MID1: variants seen among roughly 807,000 people sequenced by gnomAD.
MID1 encodes the protein midline 1, also known as E3 ubiquitin-protein ligase Midline-1.
A neutral mutation model predicts 40.4 loss-of-function variants in MID1; 7 were observed. That is an observed-to-expected ratio of 0.17 (90% CI 0.10 to 0.33). The LOEUF (loss-of-function observed/expected upper bound fraction) is 0.33. MID1 is among the 10% of genes least tolerant of loss of function. MID1 has a pLI of 1.00. For missense variants in MID1, 367 were observed against 558.5 expected, an observed-to-expected ratio of 0.66 and a Z score of 3.46; for synonymous variants, 229 against 221.2, an observed-to-expected ratio of 1.04 and a Z score of -0.31.
intron 1 of MID1, among the ~76,000 whole-genome samples, chrX:10,706,354 A>T (rs890383055): frequency 8.1e-5 from 9 of 110,696 alleles, no homozygotes; most frequent in African/African-American, 3.0e-4. Context: ...ATCATAGTTG[A>T]TATGGTTTGG....
intron 3 of MID1, chrX:10,501,448 T>C (rs1359821419): frequency 2.6e-6 from 3 of 1,155,584 alleles, no homozygotes; most frequent in Non-Finnish European, 3.4e-6. Context: ...CGTCTTGAAA[T>C]GCATCTTCTC....
At chrX:10,774,669 G>A (rs2043790811) in intron 1 of MID1, among the ~76,000 whole-genome samples, 1 of 110,812 alleles carries the variant, frequency 9.0e-6, no homozygotes, top group Admixed American at 9.7e-5. Flanking sequence ...TTTGCTGTGA[G>A]AAAATAAAAA....
At chrX:10,746,672 T>A (rs750908475) in intron 1 of MID1, among the ~76,000 whole-genome samples, 1 of 111,013 alleles carries the variant, frequency 9.0e-6, no homozygotes, top group Non-Finnish European at 1.9e-5. Flanking sequence ...AGAATTATCT[T>A]CTGTCCATCT....
chrX:10,829,190 G>C (rs749312957), intron 1 of MID1, among the ~76,000 whole-genome samples: 19 of 112,157 alleles, frequency 1.7e-4, no homozygotes, highest in African/African-American at 6.2e-4. Flanking sequence ...AGATACTCAG[G>C]GGGAGAAATA....
intron 3 of MID1, among the ~76,000 whole-genome samples, chrX:10,509,767 C>A (rs998040171): frequency 8.9e-6 from 1 of 112,269 alleles, no homozygotes; most frequent in Non-Finnish European, 1.9e-5. Context: ...ATCGGACATG[C>A]TGATCTATGC....
At chrX:10,808,366 G>A (rs906335952) in intron 1 of MID1, among the ~76,000 whole-genome samples, 15 of 111,113 alleles carry the variant, frequency 1.3e-4, no homozygotes, top group East Asian at 2.9e-4. Context: ...GTGATGAGCC[G>A]ATGATGCATT....
At chrX:10,757,096 G>A (rs1052719641) in intron 1 of MID1, among the ~76,000 whole-genome samples, 2 of 111,671 alleles carry the variant, frequency 1.8e-5, no homozygotes, top group Non-Finnish European at 3.8e-5. Context: ...CTCAGCTGGA[G>A]GGCTTGCCAA....
Position 10,611,514 on chromosome X carries a change from T to G in MID1, c.-57+8776A>C, listed in dbSNP as rs188016941. 9.3e-4 allele frequency among the ~76,000 whole-genome samples: 104 copies of G among 111,710 alleles called. 1 individual carries two copies. Among genetic ancestry groups the G allele is most frequent in the African/African-American group, 2.9e-3 (89 of 30,794 alleles). On this transcript the variant is annotated intron_variant, in intron 1 of 9. Coordinates refer to ENST00000317552, the MANE Select transcript of MID1 (RefSeq NM_000381.4). ...CCATCAGCCTCACAGTTTTACTTTT[T>G]GTTATTCAACTATGGCAGTTCTAGG...
At chrX:10,698,271 G>T (rs1259845059) in intron 1 of MID1, among the ~76,000 whole-genome samples, 1 of 110,861 alleles carries the variant, frequency 9.0e-6, no homozygotes, top group African/African-American at 3.3e-5. Context: ...AGAAAAAACA[G>T]AGAAATGAAA....
chrX:10,700,353 A>T (rs1269539209), intron 1 of MID1, among the ~76,000 whole-genome samples: 4 of 110,661 alleles, frequency 3.6e-5, no homozygotes, highest in African/African-American at 9.9e-5. Context: ...GGAGTTCAAG[A>T]CCAGCTTAGG....
At chrX:10,745,967 C>T (rs775402983) in intron 1 of MID1, among the ~76,000 whole-genome samples, 4 of 111,839 alleles carry the variant, frequency 3.6e-5, no homozygotes, top group African/African-American at 6.5e-5. Context: ...GTCTGTTCAC[C>T]GAAACAGACC....
At chrX:10,617,452 C>G (rs1421383483) in intron 1 of MID1, among the ~76,000 whole-genome samples, 1 of 112,465 alleles carries the variant, frequency 8.9e-6, no homozygotes, top group African/African-American at 3.2e-5. Context: ...CTTGAAACAG[C>G]AGCATCCTGG....
intron 1 of MID1, among the ~76,000 whole-genome samples, chrX:10,647,382 T>C (rs183569978): frequency 1.8e-5 from 2 of 111,557 alleles, no homozygotes; most frequent in East Asian, 5.6e-4. Flanking sequence ...ATTTGATCTT[T>C]CCCCAATACT....
At chrX:10,460,155 G>A (rs1019657842) in intron 7 of MID1, 29 of 289,939 alleles carry the variant, frequency 1.0e-4, no homozygotes, top group East Asian at 2.4e-4. Flanking sequence ...GCAAGAGTAG[G>A]CATGACAAAA....
At chrX:10,597,274 G>A (rs1200529839) in intron 1 of MID1, among the ~76,000 whole-genome samples, 1 of 111,200 alleles carries the variant, frequency 9.0e-6, no homozygotes, top group Admixed American at 9.6e-5. Flanking sequence ...CAGACTTTAC[G>A]TTTTGTTTTG....
chrX:10,751,193 A>G (rs1486306187), intron 1 of MID1, among the ~76,000 whole-genome samples: 1 of 110,101 alleles, frequency 9.1e-6, no homozygotes, highest in Non-Finnish European at 1.9e-5. Context: ...TGAACCCAGG[A>G]GGCGGAGATT....
chrX:10,587,859 C>T (rs956921887), intron 1 of MID1, among the ~76,000 whole-genome samples: 53 of 109,486 alleles, frequency 4.8e-4, no homozygotes, highest in African/African-American at 1.4e-3. Flanking sequence ...CTAGATAAGC[C>T]AAATTTTACC....
At chrX:10,758,694 G>A (rs1398321939) in intron 1 of MID1, among the ~76,000 whole-genome samples, 1 of 108,081 alleles carries the variant, frequency 9.3e-6, no homozygotes, top group Non-Finnish European at 1.9e-5. Flanking sequence ...GGTTTCACCA[G>A]TAGAGAGATG....
chrX:10,803,543 G>A (rs973154400), intron 1 of MID1, among the ~76,000 whole-genome samples: 3 of 110,133 alleles, frequency 2.7e-5, no homozygotes, highest in Non-Finnish European at 5.7e-5. Flanking sequence ...AGTAGAGACG[G>A]GGTTTCATCA....
Sources: allele counts gnomAD v4.1 joint callset (sites outside exome capture counted in the v4.1 genomes callset), GRCh38; gene constraint gnomAD v4.1.1; transcripts MANE v1.5; gene names NCBI Gene and HGNC (gene_info 2026-07-23, HGNC 2026-07-21).